Variants in DACH2 observed in about 807,000 individuals in gnomAD.
DACH2 encodes the protein dachshund family transcription factor 2.
DACH2 carries 17 observed loss-of-function variants against 35.8 expected under a neutral mutation model. The ratio of observed to expected loss-of-function variants is 0.48; its 90% confidence interval spans 0.33 to 0.71. The LOEUF (loss-of-function observed/expected upper bound fraction) is 0.71. DACH2 is among the 30% of genes least tolerant of loss of function. The pLI is 0.02. For synonymous variants in DACH2, 195 were observed against 177.3 expected (o/e 1.10, Z -0.79); for missense variants, 469 against 472.7 (o/e 0.99, Z 0.07).
chrX:86,615,915 C>T (rs1253207606), intron 3 of DACH2, among the ~76,000 whole-genome samples: 1 of 110,642 alleles, frequency 9.0e-6, no homozygotes, highest in East Asian at 2.8e-4. Flanking sequence ...TTCTGATCCT[C>T]TCCCTCCTCC....
At chrX:86,545,659 A>C (rs1375938173) in intron 3 of DACH2, among the ~76,000 whole-genome samples, 1 of 112,213 alleles carries the variant, frequency 8.9e-6, no homozygotes, top group East Asian at 2.8e-4. Context: ...ATTTTCATAA[A>C]GGTCAAATGT....
intron 1 of DACH2, among the ~76,000 whole-genome samples, chrX:86,255,090 T>C (rs766660555): frequency 9.1e-6 from 1 of 109,564 alleles, no homozygotes; most frequent in South Asian, 3.9e-4. Flanking sequence ...ATGTTATAAA[T>C]CGAAGATTGT....
At chrX:86,165,518 G>A (rs1263953545) in intron 1 of DACH2, among the ~76,000 whole-genome samples, 4 of 110,704 alleles carry the variant, frequency 3.6e-5, no homozygotes, top group African/African-American at 6.5e-5. Context: ...GGATATAAGC[G>A]ATTTAAATTG....
intron 4 of DACH2, among the ~76,000 whole-genome samples, chrX:86,670,928 C>T (rs961594585): frequency 8.1e-5 from 9 of 111,782 alleles, no homozygotes; most frequent in African/African-American, 2.9e-4. Flanking sequence ...TCTGAGGAGT[C>T]GGTGCTACAT....
intron 1 of DACH2, among the ~76,000 whole-genome samples, chrX:86,202,834 G>T (rs2032190665): frequency 9.0e-6 from 1 of 111,320 alleles, no homozygotes; most frequent in Non-Finnish European, 1.9e-5. Context: ...AAAGAATAAT[G>T]TAAGAGAGGG....
At chrX:86,226,179 G>A (rs10126118) in intron 1 of DACH2, among the ~76,000 whole-genome samples, 1 of 111,327 alleles carries the variant, frequency 9.0e-6, no homozygotes, top group Non-Finnish European at 1.9e-5. Context: ...TCCTGAGAAC[G>A]CTATAAAAAT....
chrX:86,292,138 C>T (rs1401412193), intron 1 of DACH2, among the ~76,000 whole-genome samples: 1 of 66,136 alleles, frequency 1.5e-5, no homozygotes, highest in Admixed American at 2.1e-4. Flanking sequence ...TCAACTTCTT[C>T]CTGGTTTAGT....
chrX:86,457,610 A>G (rs1395880423), intron 2 of DACH2, among the ~76,000 whole-genome samples: 1 of 112,636 alleles, frequency 8.9e-6, no homozygotes, highest in Non-Finnish European at 1.9e-5. Context: ...AATAAAGCAA[A>G]ACTACACATT....
At chrX:86,767,252 G>A (rs2041944110) in intron 7 of DACH2, among the ~76,000 whole-genome samples, 2 of 111,367 alleles carry the variant, frequency 1.8e-5, no homozygotes, top group Non-Finnish European at 3.8e-5. Flanking sequence ...TGTAAACAGG[G>A]GATTAACTCG....
intron 4 of DACH2, among the ~76,000 whole-genome samples, chrX:86,666,827 T>C (rs761907898): frequency 4.7e-4 from 52 of 111,485 alleles, no homozygotes; most frequent in African/African-American, 1.6e-3. Flanking sequence ...AAATTAATAA[T>C]CCAGATATTG....
chrX:86,831,826 T>C (rs1196233945), intron 11 of DACH2: 1 of 213,331 alleles, frequency 4.7e-6, no homozygotes, highest in African/African-American at 2.9e-5. Context: ...TATAGATTAT[T>C]ACAGACATTA....
intron 2 of DACH2, among the ~76,000 whole-genome samples, chrX:86,473,866 T>C (rs2037798605): frequency 9.3e-6 from 1 of 107,111 alleles, no homozygotes; most frequent in African/African-American, 3.4e-5. Flanking sequence ...CGATTTCCTT[T>C]CATTTGGGTA....
chrX:86,278,761 C>G (rs761168897), intron 1 of DACH2, among the ~76,000 whole-genome samples: 30 of 111,665 alleles, frequency 2.7e-4, no homozygotes, highest in Non-Finnish European at 1.9e-5. Flanking sequence ...GGATCCCACC[C>G]CCATGGAGCC....
At chrX:86,683,515 C>A (rs1226517761) in intron 4 of DACH2, among the ~76,000 whole-genome samples, 1 of 111,601 alleles carries the variant, frequency 9.0e-6, no homozygotes, top group African/African-American at 3.2e-5. Flanking sequence ...GCTTTAAGAG[C>A]AACAAGTTTT....
chrX:86,647,294 A>T (rs1283326731), intron 3 of DACH2, among the ~76,000 whole-genome samples: 1 of 111,051 alleles, frequency 9.0e-6, no homozygotes, highest in Non-Finnish European at 1.9e-5. Context: ...GGATGAATGG[A>T]TTTAAAAAAC....
intron 3 of DACH2, among the ~76,000 whole-genome samples, chrX:86,579,447 A>G (rs970756901): frequency 7.3e-5 from 8 of 110,179 alleles, no homozygotes; most frequent in African/African-American, 2.3e-4. Flanking sequence ...TACATTCTGT[A>G]TATAATATAT....
At chrX:86,724,323 C>T (rs750142151) in intron 6 of DACH2, among the ~76,000 whole-genome samples, 16 of 111,759 alleles carry the variant, frequency 1.4e-4, no homozygotes, top group East Asian at 5.6e-4. Flanking sequence ...TTCGTGATGG[C>T]GAATAGTGAA....
At chrX:86,649,989 T>C (rs2040459443) in intron 3 of DACH2, among the ~76,000 whole-genome samples, 1 of 110,920 alleles carries the variant, frequency 9.0e-6, no homozygotes, top group Admixed American at 9.7e-5. Context: ...TACCAGTAGA[T>C]GATTAGGGAC....
chrX:86,551,965 A>G (rs2039055896), intron 3 of DACH2, among the ~76,000 whole-genome samples: 1 of 111,523 alleles, frequency 9.0e-6, no homozygotes, highest in Non-Finnish European at 1.9e-5. Context: ...TTCCTGAGAT[A>G]TTTTTGGTTT....
Sources: allele counts gnomAD v4.1 joint callset (sites outside exome capture counted in the v4.1 genomes callset), GRCh38; gene constraint gnomAD v4.1.1; transcripts MANE v1.5; gene names NCBI Gene and HGNC (gene_info 2026-07-23, HGNC 2026-07-21).